The following ATP13A5 variants were observed in gnomAD, a reference collection of about 807,000 sequenced individuals.
ATP13A5 encodes probable cation-transporting ATPase 13A5.
In ATP13A5, 149 loss-of-function variants were observed where a neutral mutation model predicts 150.2. That is an observed-to-expected ratio of 0.99 (90% CI 0.87 to 1.14). The LOEUF (loss-of-function observed/expected upper bound fraction) is 1.14. Ranked by LOEUF, ATP13A5 falls within the 50% of genes most tolerant of loss-of-function variation. ATP13A5 has a pLI of 0.00. For missense variants in ATP13A5, 1,383 were observed against 1,449.3 expected (o/e 0.95, Z 0.74); for synonymous variants, 497 against 522.2 (o/e 0.95, Z 0.66).
intron 2 of ATP13A5, among the ~76,000 whole-genome samples, chr3:193,363,681 C>A (rs935453999): frequency 6.6e-6 from 1 of 152,172 alleles, no homozygotes; most frequent in Non-Finnish European, 1.5e-5. Flanking sequence ...GGAAAGCTTT[C>A]TATCCAGAAA....
intron 12 of ATP13A5, among the ~76,000 whole-genome samples, chr3:193,327,519 AG>A (rs2108868887): frequency 6.6e-6 from 1 of 152,156 alleles, no homozygotes; most frequent in East Asian, 1.9e-4. Flanking sequence ...TGGGTGACAC[AG>A]TGACTGTCCA....
chr3:193,362,007 T>C (rs1713022043), intron 5 of ATP13A5, among the ~76,000 whole-genome samples: 1 of 152,208 alleles, frequency 6.6e-6, no homozygotes. Context: ...CCAGGGCTGT[T>C]TCTTCAGAAT....
chr3:193,332,720 G>C (rs908478617), intron 11 of ATP13A5, among the ~76,000 whole-genome samples: 5 of 152,060 alleles, frequency 3.3e-5, no homozygotes, highest in African/African-American at 1.2e-4. Flanking sequence ...GTCTAGCGCT[G>C]AACCAGTGCA....
chr3:193,310,030 C>T (rs1375093281), intron 21 of ATP13A5, among the ~76,000 whole-genome samples: 3 of 152,192 alleles, frequency 2.0e-5, no homozygotes, highest in Non-Finnish European at 4.4e-5. Context: ...CCACCCTCTG[C>T]TCTCAAGTAG....
At chr3:193,345,782 T>A (rs1204900813) in intron 7 of ATP13A5, among the ~76,000 whole-genome samples, 1 of 152,198 alleles carries the variant, frequency 6.6e-6, no homozygotes, top group Non-Finnish European at 1.5e-5. Context: ...TAGTTCACTT[T>A]AACAAACCAA....
In ATP13A5 at chr3:193,334,931, G is replaced by A. The variant is rs755041142; in HGVS notation, c.1112C>T (p.Thr371Ile). Residue 371 changes from threonine to isoleucine, a missense_variant and splice_region_variant, in exon 10 of 30, where the codon ACA becomes ATA. Thr to Ile is a moderately conservative substitution (Grantham distance 89). This residue lies in a region of ATP13A5 where 787 missense variants were observed against 771.9 expected (regional missense o/e 1.02). Transcript: ENST00000342358. ...TTACAAAAGTGGAATCCACTAACCT[G>A]TTTGCAAAACGACTGCTCGTACAGG... is the stretch of plus-strand genomic sequence containing the variant. Reference protein sequence around the residue: ...QGPVRAVVLQTGYNTAKGDLV... With the variant: ...QGPVRAVVLQIGYNTAKGDLV... The A allele has an allele frequency of 6.8e-6, 11 of 1,612,306 alleles. No individual in the cohort carries two copies. Among genetic ancestry groups the A allele is most frequent in the Non-Finnish European group, 5.9e-6 (7 of 1,178,938 alleles).
chr3:193,289,925 C>T lies in ATP13A5; in HGVS notation c.2983G>A (p.Val995Met). 3 of 1,611,354 alleles carry T rather than the reference C, an allele frequency of 1.9e-6. No homozygotes were observed. Among genetic ancestry groups the T allele is most frequent in the Non-Finnish European group, 2.5e-6 (3 of 1,178,678 alleles). The stretch of plus-strand genomic sequence containing the variant: ...TCACAATACCAAGGCTGCTGCTTCA[C>T]ATAGAGAAATGCACTGATCTGCACA... ...CIVQISAFLY[V>M]KQQPWYCEVY... The change falls in exon 26 of 30, where the codon GTG becomes ATG. Residue 995 changes from valine (V) to methionine (M), a missense_variant. Transcript: ENST00000342358.
chr3:193,318,910 G>A, intron 17 of ATP13A5, 81 bp downstream of exon 17: 2 of 966,398 alleles, frequency 2.1e-6, no homozygotes, highest in Admixed American at 3.4e-5. Context: ...CAGGTGATTA[G>A]AACTGTTCAT....
At position 193,331,177 on chromosome 3, in the gene ATP13A5, G is replaced by A. The variant is rs199622420; in HGVS notation, c.1407C>T (p.Ile469=). 3.0e-5 allele frequency: 49 copies of A among 1,613,946 alleles called. No homozygotes were observed. Among genetic ancestry groups the A allele is most frequent in the Non-Finnish European group, 3.6e-5 (43 of 1,179,960 alleles). ...CACACATGTTGATTCTCTGTGGGGA[G>A]ATACAGAAGATTTTCTTTTTCTTCA... The part of the protein sequence containing the change: ...KRLKKKKIFC[I]SPQRINMCGQ... Residue 469 remains isoleucine, a synonymous_variant, in exon 12 of 30, where the codon ATC becomes ATT. Transcript: ENST00000342358.
intron 17 of ATP13A5, among the ~76,000 whole-genome samples, chr3:193,316,268 A>C (rs1719048801): frequency 6.6e-6 from 1 of 152,190 alleles, no homozygotes; most frequent in Non-Finnish European, 1.5e-5. Context: ...TGCAATGAAC[A>C]TAAAGGTGAA....
At chr3:193,335,692 CT>C (rs1176023794) in intron 9 of ATP13A5, among the ~76,000 whole-genome samples, 9 of 152,138 alleles carry the variant, frequency 5.9e-5, no homozygotes, top group Admixed American at 5.2e-4. Context: ...TCATCTCATT[CT>C]TTTGCTCAAA....
chr3:193,378,570 T>G, intron 1 of ATP13A5, 93 bp downstream of exon 1: 1 of 1,153,866 alleles, frequency 8.7e-7, no homozygotes, highest in South Asian at 1.3e-5. Context: ...GCCTGAAGCA[T>G]AAATGCTACA....
chr3:193,293,660 C>T (rs1019386809), intron 25 of ATP13A5, among the ~76,000 whole-genome samples: 3 of 152,126 alleles, frequency 2.0e-5, no homozygotes, highest in Admixed American at 6.5e-5. Context: ...AGTTGGTTTA[C>T]TTTTTATTCC....
At chr3:193,290,732 T>G (rs992714154) in intron 25 of ATP13A5, among the ~76,000 whole-genome samples, 1 of 152,104 alleles carries the variant, frequency 6.6e-6, no homozygotes, top group Non-Finnish European at 1.5e-5. Flanking sequence ...TTTTTTAAAT[T>G]TAAAGCGTTT....
At chr3:193,338,904 A>G (rs1360220359) in intron 9 of ATP13A5, among the ~76,000 whole-genome samples, 1 of 152,094 alleles carries the variant, frequency 6.6e-6, no homozygotes, top group Non-Finnish European at 1.5e-5. Context: ...TATTGCCTTA[A>G]TTTCAGAGCC....
intron 5 of ATP13A5, among the ~76,000 whole-genome samples, chr3:193,354,939 A>ATTTTTTTTTTTTT: frequency 1.4e-5 from 1 of 69,096 alleles, no homozygotes; most frequent in Admixed American, 1.4e-4. Context: ...CAACAATGTA[A>ATTTTTTTTTTTTT]CTTTTTTTTT....
At chr3:193,302,247 G>T (rs1277837277) in intron 23 of ATP13A5, among the ~76,000 whole-genome samples, 1 of 152,150 alleles carries the variant, frequency 6.6e-6, no homozygotes, top group African/African-American at 2.4e-5. Context: ...TAACCACTTT[G>T]TCTCAGGCAA....
chr3:193,315,343 C>T (rs997809785), intron 17 of ATP13A5, among the ~76,000 whole-genome samples: 3 of 152,110 alleles, frequency 2.0e-5, no homozygotes, highest in Non-Finnish European at 2.9e-5. Flanking sequence ...TTTTTAAAAA[C>T]AATGTGCTTA....
At chr3:193,289,137 T>A (rs1348525931) in intron 26 of ATP13A5, among the ~76,000 whole-genome samples, 1 of 152,132 alleles carries the variant, frequency 6.6e-6, no homozygotes, top group Non-Finnish European at 1.5e-5. Flanking sequence ...AGGGGCAGTT[T>A]GCACATTTGC....
Sources: gnomAD v4.1 joint callset for allele counts (sites outside exome capture counted in the v4.1 genomes callset) on GRCh38, gnomAD v4.1.1 for gene constraint, gnomAD v4.1.1 regional missense constraint, MANE v1.5 for transcripts, NCBI Gene and HGNC (gene_info 2026-07-23, HGNC 2026-07-21) for gene names.